DCC: variants seen among roughly 807,000 people sequenced by gnomAD.
DCC encodes DCC netrin 1 receptor.
In DCC, 58 loss-of-function variants were observed where a neutral mutation model predicts 172.5. The ratio of observed to expected loss-of-function variants is 0.34; its 90% confidence interval spans 0.27 to 0.42. The LOEUF is 0.42. Ranked by LOEUF, DCC falls within the 10% of genes least tolerant of loss-of-function variation. DCC has a pLI of 1.00. For missense variants in DCC, 1,740 were observed against 1,791.0 expected (o/e 0.97, Z 0.51); for synonymous variants, 709 against 644.5 (o/e 1.10, Z -1.52).
intron 2 of DCC, among the ~76,000 whole-genome samples, chr18:52,842,546 G>A (rs888542716): frequency 1.1e-4 from 16 of 152,118 alleles, no homozygotes; most frequent in Admixed American, 7.9e-4. Flanking sequence ...CAATTCAAAT[G>A]CTAAGCTCTT....
intron 1 of DCC, among the ~76,000 whole-genome samples, chr18:52,653,766 A>G (rs2035190010): frequency 6.6e-6 from 1 of 152,186 alleles, no homozygotes. Context: ...AACTCTTATT[A>G]GACAAAGGGT....
At chr18:52,878,023 C>A in intron 2 of DCC, among the ~76,000 whole-genome samples, 1 of 152,008 alleles carries the variant, frequency 6.6e-6, no homozygotes, top group Non-Finnish European at 1.5e-5. Context: ...AATATAAACT[C>A]TCTTCCCCAG....
chr18:53,309,945 CAT>C (rs1491263364), intron 13 of DCC, among the ~76,000 whole-genome samples: 2 of 98,916 alleles, frequency 2.0e-5, no homozygotes, highest in Admixed American at 2.1e-4. Context: ...TATATATATA[CAT>C]GTATATATAC....
chr18:53,352,489 G>A (rs531853982), intron 15 of DCC, among the ~76,000 whole-genome samples: 3 of 152,164 alleles, frequency 2.0e-5, no homozygotes, highest in Admixed American at 6.6e-5. Context: ...TGTTTACTCT[G>A]AAATCTATTT....
In DCC at chr18:52,499,134, C is replaced by G. The variant is rs75033478; in HGVS notation, c.91+158256C>G. On this transcript the variant is annotated intron_variant, in intron 1 of 28. Coordinates refer to ENST00000442544, the MANE Select transcript of DCC (RefSeq NM_005215.4). ...TTTATGACAGCACATTCTGTTCCTT[C>G]AAAGAAACTGCAAGCTCCCTGAATG... 4.0e-3 allele frequency among the ~76,000 whole-genome samples: 613 copies of G among 152,288 alleles called. 2 individuals carry two copies. Among genetic ancestry groups the G allele is most frequent in the Non-Finnish European group, 7.2e-3 (493 of 68,022 alleles).
intron 1 of DCC, among the ~76,000 whole-genome samples, chr18:52,688,686 A>T (rs1284499368): frequency 2.6e-5 from 4 of 152,032 alleles, no homozygotes; most frequent in African/African-American, 9.7e-5. Context: ...AATGATGGAG[A>T]TCTTCATTTG....
At chr18:52,382,885 G>C (rs754592677) in intron 1 of DCC, among the ~76,000 whole-genome samples, 4 of 152,000 alleles carry the variant, frequency 2.6e-5, no homozygotes, top group Non-Finnish European at 5.9e-5. Flanking sequence ...TTACTTCTAA[G>C]ACTGTATTCT....
chr18:52,530,170 C>A (rs1447828229), intron 1 of DCC, among the ~76,000 whole-genome samples: 1 of 152,174 alleles, frequency 6.6e-6, no homozygotes, highest in African/African-American at 2.4e-5. Flanking sequence ...TGCTATGTTT[C>A]ATTCTTGCAC....
At chr18:52,983,256 A>G (rs2041239071) in intron 5 of DCC, among the ~76,000 whole-genome samples, 1 of 152,184 alleles carries the variant, frequency 6.6e-6, no homozygotes, top group Non-Finnish European at 1.5e-5. Context: ...AACCAGGAAA[A>G]GGGGCAAAGA....
intron 2 of DCC, among the ~76,000 whole-genome samples, chr18:52,804,389 GTTC>G (rs1568114802): frequency 6.6e-6 from 1 of 152,106 alleles, no homozygotes; most frequent in African/African-American, 2.4e-5. Context: ...AAAATCTGTT[GTTC>G]TTCATTAAAT....
At chr18:53,276,167 T>C (rs1349799038) in intron 12 of DCC, among the ~76,000 whole-genome samples, 2 of 152,150 alleles carry the variant, frequency 1.3e-5, no homozygotes, top group Admixed American at 1.3e-4. Flanking sequence ...TCTTCTCAGC[T>C]GGACAGGAAT....
chr18:52,959,860 G>C (rs2040813515), intron 5 of DCC, among the ~76,000 whole-genome samples: 1 of 152,088 alleles, frequency 6.6e-6, no homozygotes, highest in Non-Finnish European at 1.5e-5. Flanking sequence ...GAGTCTGCTG[G>C]TGAGCACTGA....
intron 13 of DCC, among the ~76,000 whole-genome samples, chr18:53,309,121 T>G (rs2057235457): frequency 6.6e-6 from 1 of 152,186 alleles, no homozygotes; most frequent in Non-Finnish European, 1.5e-5. Context: ...TACTGCAGAC[T>G]TGACCTTCGG....
At chr18:53,495,406 AGAAAG>A (rs1282675529) in intron 26 of DCC, among the ~76,000 whole-genome samples, 1 of 148,306 alleles carries the variant, frequency 6.7e-6, no homozygotes, top group Non-Finnish European at 1.5e-5. Context: ...AAAAAAAAAA[AGAAAG>A]AAAGAAAATT....
intron 9 of DCC, among the ~76,000 whole-genome samples, chr18:53,186,633 T>C (rs776301531): frequency 6.6e-6 from 1 of 152,238 alleles, no homozygotes. Context: ...TTCATAAGTA[T>C]TTACTGAGCA....
intron 12 of DCC, among the ~76,000 whole-genome samples, chr18:53,284,581 C>T (rs1568411588): frequency 6.6e-6 from 1 of 152,096 alleles, no homozygotes; most frequent in Admixed American, 6.6e-5. Flanking sequence ...TTGTAAATTG[C>T]CCAGTCTCAA....
chr18:52,999,204 T>C (rs190643610), intron 5 of DCC, among the ~76,000 whole-genome samples: 138 of 152,208 alleles, frequency 9.1e-4, no homozygotes, highest in Non-Finnish European at 1.5e-3. Context: ...AACAACATTT[T>C]TTTTTTGTAT....
chr18:52,875,216 C>G (rs1026680958), intron 2 of DCC, among the ~76,000 whole-genome samples: 14 of 139,780 alleles, frequency 1.0e-4, no homozygotes, highest in Non-Finnish European at 2.2e-4. Flanking sequence ...AGTTAAAACA[C>G]ACAACAGCGA....
At chr18:53,376,958 C>T (rs543840137) in intron 15 of DCC, among the ~76,000 whole-genome samples, 1 of 152,228 alleles carries the variant, frequency 6.6e-6, no homozygotes, top group Non-Finnish European at 1.5e-5. Flanking sequence ...GGTCTTTGCC[C>T]AGACAATTGC....
Sources: allele counts gnomAD v4.1 joint callset (sites outside exome capture counted in the v4.1 genomes callset), GRCh38; gene constraint gnomAD v4.1.1; transcripts MANE v1.5; gene names NCBI Gene and HGNC (gene_info 2026-07-23, HGNC 2026-07-21).